The following TENM4 variants were observed in gnomAD, a reference collection of about 807,000 sequenced individuals.
TENM4 encodes the protein teneurin transmembrane protein 4, also known as teneurin-4.
In TENM4, 82 loss-of-function variants were observed where a neutral mutation model predicts 243.3. The observed-to-expected ratio is 0.34, with a 90% CI of 0.28 to 0.40. The LOEUF (loss-of-function observed/expected upper bound fraction) is 0.40, where lower values mean the gene tolerates loss of function less well. Among genes scored for constraint, TENM4 ranks in the 10% least tolerant of loss-of-function variants. The pLI is 1.00. For synonymous variants in TENM4, 1,412 were observed against 1,456.3 expected (o/e 0.97, Z 0.69); for missense variants, 3,138 against 3,673.3 (o/e 0.85, Z 3.77).
intron 4 of TENM4, among the ~76,000 whole-genome samples, chr11:79,136,610 T>C (rs1307007951): frequency 1.3e-5 from 2 of 152,102 alleles, no homozygotes; most frequent in Admixed American, 6.5e-5. Context: ...ACCTCTTCCA[T>C]CATGGAAAAG....
chr11:79,059,327 G>C (rs547064626), intron 6 of TENM4, among the ~76,000 whole-genome samples: 1 of 152,220 alleles, frequency 6.6e-6, no homozygotes, highest in East Asian at 1.9e-4. Flanking sequence ...GCCTCTCTCA[G>C]ATCCCTCACA....
intron 3 of TENM4, among the ~76,000 whole-genome samples, chr11:79,181,506 G>T (rs567752260): frequency 1.5e-4 from 23 of 152,166 alleles, no homozygotes; most frequent in African/African-American, 5.1e-4. Flanking sequence ...GAAATTCAAA[G>T]CTTTTCTGCT....
At chr11:79,235,845 T>G (rs766988922) in intron 2 of TENM4, among the ~76,000 whole-genome samples, 1 of 152,210 alleles carries the variant, frequency 6.6e-6, no homozygotes, top group Non-Finnish European at 1.5e-5. Flanking sequence ...TTCCTAGATT[T>G]ATCTGAACTC....
Position 78,657,996 on chromosome 11 carries a change from C to T in TENM4, c.*62G>A. The T allele has an allele frequency of 1.2e-6, 2 of 1,605,342 alleles. No individual in the cohort carries two copies. The highest frequency in any genetic ancestry group is 8.5e-7 in the Non-Finnish European group (1 of 1,174,006). The stretch of plus-strand genomic sequence containing the variant: ...AAATCATTTTTTTAAAAGTACAACA[C>T]AGTCAGGTATGCGGCCACAAAAGAG... On this transcript the variant is annotated 3_prime_UTR_variant, in exon 34 of 34. Coordinates refer to ENST00000278550, the MANE Select transcript of TENM4 (RefSeq NM_001098816.3).
intron 30 of TENM4, 70 bp downstream of exon 30, chr11:78,676,082 A>G: frequency 3.6e-6 from 5 of 1,371,708 alleles, no homozygotes; most frequent in Non-Finnish European, 4.8e-6. Flanking sequence ...AATTTCAAGA[A>G]CAGAGCCCCG....
At chr11:79,181,951 T>A (rs371399457) in intron 3 of TENM4, among the ~76,000 whole-genome samples, 6 of 147,182 alleles carry the variant, frequency 4.1e-5, no homozygotes, top group African/African-American at 1.2e-4. Context: ...ATCAAAGAAC[T>A]AAAAAAAAAA....
chr11:78,988,628 G>GT (rs1280410854), intron 6 of TENM4, among the ~76,000 whole-genome samples: 3 of 152,166 alleles, frequency 2.0e-5, no homozygotes, highest in African/African-American at 7.2e-5. Flanking sequence ...GTTTCTCAAT[G>GT]TGTAGCCTGG....
chr11:78,736,159 G>A (rs1855787180), intron 20 of TENM4, among the ~76,000 whole-genome samples: 1 of 151,920 alleles, frequency 6.6e-6, no homozygotes, highest in South Asian at 2.1e-4. Flanking sequence ...GTTTTGCCAT[G>A]CTGCCTAGGC....
intron 6 of TENM4, among the ~76,000 whole-genome samples, chr11:78,918,622 G>C (rs543162778): frequency 6.6e-6 from 1 of 152,150 alleles, no homozygotes; most frequent in African/African-American, 2.4e-5. Context: ...AATGTCTCTT[G>C]ACAATGTAAG....
intron 9 of TENM4, among the ~76,000 whole-genome samples, chr11:78,864,564 A>G (rs79609507): frequency 0.013 from 2,022 of 152,134 alleles, 42 homozygotes; most frequent in African/African-American, 0.046. Context: ...TGAGATATAC[A>G]TGCTTGAGAA....
chr11:78,737,042 C>G (rs762348139), intron 20 of TENM4, among the ~76,000 whole-genome samples: 1 of 152,200 alleles, frequency 6.6e-6, no homozygotes, highest in Non-Finnish European at 1.5e-5. Context: ...CTCTAACCAA[C>G]CACAACAGGG....
At chr11:79,290,572 C>T (rs1191725569) in intron 2 of TENM4, among the ~76,000 whole-genome samples, 1 of 151,052 alleles carries the variant, frequency 6.6e-6, no homozygotes, top group Non-Finnish European at 1.5e-5. Flanking sequence ...CTCACCATCG[C>T]TCCCTTTGTA....
intron 2 of TENM4, among the ~76,000 whole-genome samples, chr11:79,244,157 A>T (rs920127623): frequency 6.6e-6 from 1 of 152,272 alleles, no homozygotes; most frequent in South Asian, 2.1e-4. Flanking sequence ...AAGGTGTTGG[A>T]TGGGCCTGAG....
chr11:78,888,983 T>C (rs1015642425), intron 9 of TENM4, among the ~76,000 whole-genome samples: 12 of 152,218 alleles, frequency 7.9e-5, no homozygotes, highest in Admixed American at 6.5e-4. Flanking sequence ...TTTGGATTAA[T>C]ATCTTTCCTG....
At chr11:78,813,440 T>C (rs1436346073) in intron 13 of TENM4, among the ~76,000 whole-genome samples, 2 of 152,250 alleles carry the variant, frequency 1.3e-5, no homozygotes, top group Non-Finnish European at 2.9e-5. Flanking sequence ...TCGTACTGCT[T>C]TGCAGTTGTC....
intron 2 of TENM4, among the ~76,000 whole-genome samples, chr11:79,242,625 T>C (rs575704419): frequency 6.6e-6 from 1 of 152,306 alleles, no homozygotes; most frequent in South Asian, 2.1e-4. Context: ...TCTATAAACA[T>C]CATTTTTAAC....
chr11:78,695,782 T>C (rs892323197), intron 28 of TENM4, among the ~76,000 whole-genome samples: 3 of 152,064 alleles, frequency 2.0e-5, no homozygotes, highest in Non-Finnish European at 4.4e-5. Context: ...CTTTTTTTTT[T>C]TTTCCTGGCT....
At chr11:79,365,551 A>G (rs1021871381) in intron 1 of TENM4, among the ~76,000 whole-genome samples, 1 of 152,206 alleles carries the variant, frequency 6.6e-6, no homozygotes, top group African/African-American at 2.4e-5. Context: ...CCCATTGTCT[A>G]TTCCAGAAAC....
intron 2 of TENM4, among the ~76,000 whole-genome samples, chr11:79,242,470 G>T (rs536819206): frequency 6.6e-6 from 1 of 152,172 alleles, no homozygotes; most frequent in South Asian, 2.1e-4. Context: ...TTAACAGTTT[G>T]TGTGTGTGTT....
Sources: allele counts gnomAD v4.1 joint callset (sites outside exome capture counted in the v4.1 genomes callset), GRCh38; gene constraint gnomAD v4.1.1; transcripts MANE v1.5; gene names NCBI Gene and HGNC (gene_info 2026-07-23, HGNC 2026-07-21).